Variants in NR3C1 observed in about 807,000 individuals in gnomAD.
NR3C1 encodes glucocorticoid receptor.
Under a neutral mutation model 74.0 loss-of-function variants are expected in NR3C1, and 14 were observed. That is an observed-to-expected ratio of 0.19 (90% confidence interval 0.12 to 0.30). The LOEUF is 0.30. Among genes scored for constraint, NR3C1 ranks in the 10% least tolerant of loss-of-function variants. NR3C1 has a pLI of 1.00. For missense variants in NR3C1, 695 were observed against 909.8 expected, an observed-to-expected ratio of 0.76 and a Z score of 3.04; for synonymous variants, 308 against 332.5, an observed-to-expected ratio of 0.93 and a Z score of 0.80.
At chr5:143,282,493 T>C in intron 8 of NR3C1, 75 bp downstream of exon 8, 1 of 1,565,188 alleles carries the variant, frequency 6.4e-7, no homozygotes. Context: ...GCTGCTGGTA[T>C]ATAATTATAT....
intron 1 of NR3C1, among the ~76,000 whole-genome samples, chr5:143,413,481 G>T (rs1173162600): frequency 6.6e-6 from 1 of 152,084 alleles, no homozygotes; most frequent in African/African-American, 2.4e-5. Flanking sequence ...ATTTCAGGAG[G>T]CATGACTGGA....
Position 143,286,957 on chromosome 5 carries a change from G to T in NR3C1, c.2024-4232C>A, listed in dbSNP as rs143142838. 2.0e-3 allele frequency among the ~76,000 whole-genome samples: 298 copies of T among 151,376 alleles called. 1 individual carries two copies. Among genetic ancestry groups the T allele is most frequent in the African/African-American group, 6.3e-3 (259 of 41,256 alleles). On this transcript the variant is annotated intron_variant, in intron 7 of 8. Transcript: ENST00000394464. ...ATTAAATTAGAAATGAATAGGAAGA[G>T]ATATGGAAAATCCCCAAATATATAA... is the stretch of plus-strand genomic sequence containing the variant.
chr5:143,372,821 A>C (rs1340586663), intron 2 of NR3C1, among the ~76,000 whole-genome samples: 1 of 152,216 alleles, frequency 6.6e-6, no homozygotes, highest in Non-Finnish European at 1.5e-5. Context: ...TCTGACTTCT[A>C]AACTACACAT....
At chr5:143,331,951 T>C (rs1600039272) in intron 2 of NR3C1, among the ~76,000 whole-genome samples, 1 of 152,078 alleles carries the variant, frequency 6.6e-6, no homozygotes, top group African/African-American at 2.4e-5. Flanking sequence ...CAAAAAAGAA[T>C]TGCAGGGTTT....
At chr5:143,325,704 T>C (rs371070435) in intron 2 of NR3C1, among the ~76,000 whole-genome samples, 1 of 152,176 alleles carries the variant, frequency 6.6e-6, no homozygotes, top group Non-Finnish European at 1.5e-5. Context: ...GGAAAAACAA[T>C]ATACATATAG....
chr5:143,299,011 T>G (rs558038635), intron 5 of NR3C1, among the ~76,000 whole-genome samples, 199 bp from the exon 6 acceptor site: 7 of 147,224 alleles, frequency 4.8e-5, no homozygotes, highest in Non-Finnish European at 9.0e-5. Context: ...TTGTGTTTTT[T>G]TTTTTTTTTT....
At chr5:143,362,268 T>C (rs1209628229) in intron 2 of NR3C1, among the ~76,000 whole-genome samples, 1 of 152,282 alleles carries the variant, frequency 6.6e-6, no homozygotes, top group African/African-American at 2.4e-5. Context: ...TATCCCTTGA[T>C]TCCTAGCTTA....
intron 1 of NR3C1, among the ~76,000 whole-genome samples, chr5:143,424,627 T>C (rs1751437020): frequency 1.3e-5 from 2 of 152,190 alleles, no homozygotes; most frequent in Non-Finnish European, 2.9e-5. Context: ...TATGGCATTA[T>C]AGTCTAATTA....
At chr5:143,433,200 T>C (rs1394720160) in intron 1 of NR3C1, among the ~76,000 whole-genome samples, 1 of 151,970 alleles carries the variant, frequency 6.6e-6, no homozygotes, top group Non-Finnish European at 1.5e-5. Flanking sequence ...TTAACTCTGA[T>C]GGTGCTGATG....
intron 2 of NR3C1, among the ~76,000 whole-genome samples, chr5:143,387,907 G>A (rs915907540): frequency 2.6e-5 from 4 of 152,124 alleles, no homozygotes; most frequent in African/African-American, 9.7e-5. Flanking sequence ...TGAGGAAACC[G>A]ATTTCTTGCC....
Position 143,397,171 on chromosome 5 carries a change from ATTTTT to A in NR3C1, c.1184+2480_1184+2484del, listed in dbSNP as rs953452353. 4.0e-5 allele frequency among the ~76,000 whole-genome samples: 6 copies of A among 151,354 alleles called. No homozygotes were observed. In the South Asian group the frequency reaches 1.3e-3, roughly 32 times the overall value. On this transcript the variant is annotated intron_variant, in intron 2 of 8. Coordinates refer to ENST00000394464, the MANE Select transcript of NR3C1 (RefSeq NM_000176.3). ...CCCACCCCCAGAGAATAAAGTGAGGATTTTTTTTTAAGTATTCTGATAAAAACAAT... is the reference window on the plus strand; with the variant it reads ...CCCACCCCCAGAGAATAAAGTGAGGATTTTAAGTATTCTGATAAAAACAAT...
intron 2 of NR3C1, among the ~76,000 whole-genome samples, chr5:143,331,648 G>A (rs144658615): frequency 3.1e-4 from 47 of 152,294 alleles, no homozygotes; most frequent in Admixed American, 7.8e-4. Context: ...GGATGGAGCT[G>A]GCAGCCATTA....
At chr5:143,293,545 C>A (rs1383568834) in intron 7 of NR3C1, among the ~76,000 whole-genome samples, 1 of 152,120 alleles carries the variant, frequency 6.6e-6, no homozygotes, top group Non-Finnish European at 1.5e-5. Flanking sequence ...AGATTATAAA[C>A]TTAAAAAAAC....
chr5:143,396,961 A>C (rs1839320297), intron 2 of NR3C1, among the ~76,000 whole-genome samples: 1 of 151,852 alleles, frequency 6.6e-6, no homozygotes, highest in African/African-American at 2.4e-5. Flanking sequence ...CAGTATTTTT[A>C]AAAGCATATT....
intron 2 of NR3C1, among the ~76,000 whole-genome samples, chr5:143,387,810 G>A (rs943490877): frequency 1.3e-5 from 2 of 152,102 alleles, no homozygotes; most frequent in Non-Finnish European, 2.9e-5. Flanking sequence ...ATAAGCTGAA[G>A]AAAGATATTT....
At position 143,403,517 on chromosome 5, in the gene NR3C1, C is replaced by A; in HGVS notation, c.-320G>T. 1 of 985,514 alleles carries A rather than the reference C, an allele frequency of 1.0e-6. No homozygotes were observed. The highest frequency in any genetic ancestry group is 1.7e-5 in the African/African-American group (1 of 57,350). The allele number at this position is 985,514 out of a possible 1,614,324, so 61.0% of individuals were successfully genotyped here. On this transcript the variant is annotated 5_prime_UTR_variant, in exon 1 of 9. Coordinates refer to ENST00000394464, the MANE Select transcript of NR3C1 (RefSeq NM_000176.3). Reference sequence around the variant, plus strand: ...CCGCTCCGGCTGCGGCGTCTCCTTCCACCCACAGAATCCGTCCCCGACGGG... The same window carrying A: ...CCGCTCCGGCTGCGGCGTCTCCTTCAACCCACAGAATCCGTCCCCGACGGG...
intron 2 of NR3C1, among the ~76,000 whole-genome samples, chr5:143,394,179 A>G (rs188697415): frequency 6.6e-6 from 1 of 152,182 alleles, no homozygotes; most frequent in African/African-American, 2.4e-5. Flanking sequence ...AGCACTCGAA[A>G]TTAATACTTG....
chr5:143,314,296 T>C, intron 2 of NR3C1, 128 bp from the exon 3 acceptor site: 1 of 862,120 alleles, frequency 1.2e-6, no homozygotes, highest in Non-Finnish European at 1.9e-6. Flanking sequence ...TAGCAGGCAC[T>C]AAAATATCCT....
chr5:143,282,704 C>T lies in NR3C1; in HGVS notation c.2045G>A (p.Ser682Asn). 1.2e-6 allele frequency: 2 copies of T among 1,613,656 alleles called. No homozygotes were observed. Among genetic ancestry groups the T allele is most frequent in the Non-Finnish European group, 1.7e-6 (2 of 1,179,904 alleles). ...TCTAATTTCATCAAATAGCTCTTGG[C>T]TCTTCAGACCGTCCTTAGGAACTAA... ...LSSVPKDGLK[S>N]QELFDEIRMT... Residue 682 changes from serine (S) to asparagine (N), a missense_variant, in exon 8 of 9, where the codon AGC (serine) becomes AAC (asparagine). Ser to Asn is a conservative substitution (Grantham distance 46). Transcript: ENST00000394464.
Sources: gnomAD v4.1 joint callset for allele counts (sites outside exome capture counted in the v4.1 genomes callset) on GRCh38, gnomAD v4.1.1 for gene constraint, MANE v1.5 for transcripts, NCBI Gene and HGNC (gene_info 2026-07-23, HGNC 2026-07-21) for gene names.